CREM: variants seen among roughly 807,000 people sequenced by gnomAD.
CREM encodes the protein cAMP-responsive element modulator.
CREM carries 13 observed loss-of-function variants against 37.3 expected under a neutral mutation model. The ratio of observed to expected loss-of-function variants is 0.35; its 90% CI spans 0.23 to 0.55. The LOEUF (loss-of-function observed/expected upper bound fraction) is 0.55. Among genes scored for constraint, CREM ranks in the 20% least tolerant of loss-of-function variants. The pLI, the probability that CREM is intolerant of heterozygous loss-of-function variation, is 0.88. For synonymous variants in CREM, 124 were observed against 120.2 expected (o/e 1.03, Z -0.21); for missense variants, 296 against 362.3 (o/e 0.82, Z 1.49).
At chr10:35,172,525 C>G (rs1318606620) in intron 3 of CREM, among the ~76,000 whole-genome samples, 1 of 151,314 alleles carries the variant, frequency 6.6e-6, no homozygotes, top group Non-Finnish European at 1.5e-5. Flanking sequence ...GTCAGTGACA[C>G]AAACTGTGTT....
chr10:35,174,394 G>C (rs1038929507), intron 3 of CREM, among the ~76,000 whole-genome samples: 8 of 152,164 alleles, frequency 5.3e-5, no homozygotes, highest in Non-Finnish European at 1.0e-4. Context: ...CTAGTACAAG[G>C]CTCAACACCT....
chr10:35,132,649 A>G (rs1163719138), intron 1 of CREM, among the ~76,000 whole-genome samples: 1 of 152,188 alleles, frequency 6.6e-6, no homozygotes, highest in African/African-American at 2.4e-5. Context: ...TTTGAAAGTT[A>G]CTGTTACTTT....
chr10:35,169,157 G>A (rs1281317882), intron 3 of CREM, among the ~76,000 whole-genome samples: 2 of 152,278 alleles, frequency 1.3e-5, no homozygotes, highest in East Asian at 3.9e-4. Flanking sequence ...AGCCTGATTG[G>A]GATGGCATTG....
intron 3 of CREM, among the ~76,000 whole-genome samples, chr10:35,171,714 C>T (rs944889599): frequency 1.3e-5 from 2 of 152,138 alleles, no homozygotes; most frequent in African/African-American, 4.8e-5. Flanking sequence ...CCCTGGGTTT[C>T]CCCCGCTATA....
intron 3 of CREM, chr10:35,154,211 CATTT>C (rs1174775859): frequency 3.0e-5 from 12 of 395,956 alleles, no homozygotes; most frequent in Non-Finnish European, 5.3e-5. Context: ...ATTGGAATGG[CATTT>C]CTCTGTTTTG....
At chr10:35,203,382 A>C (rs1399285579) in intron 6 of CREM, among the ~76,000 whole-genome samples, 1 of 151,276 alleles carries the variant, frequency 6.6e-6, no homozygotes, top group African/African-American at 2.4e-5. Flanking sequence ...ATTCCCACCC[A>C]CCCTTTTTTT....
chr10:35,188,034 C>T (rs1054492612), intron 5 of CREM, among the ~76,000 whole-genome samples, 166 bp from the exon 6 acceptor site: 3 of 152,202 alleles, frequency 2.0e-5, no homozygotes, highest in African/African-American at 4.8e-5. Context: ...CCTAGAGTAT[C>T]GTCCCATGAC....
At position 35,145,112 on chromosome 10, in the gene CREM, G is replaced by GAT. The variant is rs1165120746; in HGVS notation, c.45-3255_45-3254dup. The stretch of plus-strand genomic sequence containing the variant: ...GGAGGCGGAGGTTGCAGTGAGTCCA[G>GAT]ATCGCGCCACTGCACTCCAGCCTGG... On this transcript the variant is annotated intron_variant, in intron 2 of 7. Transcript: ENST00000685392. Among the ~76,000 whole-genome samples the GAT allele has an allele frequency of 4.8e-5, 7 of 144,562 alleles. No individual in the cohort carries two copies. In the East Asian group the frequency reaches 1.4e-3, roughly 30 times the overall value. 94.8% of individuals were successfully genotyped at this position (144,562 alleles called of 152,430 possible). A position where few individuals can be genotyped will look rare whatever the true frequency, so the allele number is the denominator to read the frequency against.
chr10:35,155,670 C>G (rs1024524608), intron 3 of CREM, among the ~76,000 whole-genome samples: 1 of 150,506 alleles, frequency 6.6e-6, no homozygotes, highest in Non-Finnish European at 1.5e-5. Flanking sequence ...GCTCTGTCAC[C>G]TAGGCTGGAG....
chr10:35,133,308 A>AT (rs34244298), intron 1 of CREM, among the ~76,000 whole-genome samples: 259 of 143,294 alleles, frequency 1.8e-3, no homozygotes, highest in East Asian at 5.9e-3. Flanking sequence ...CCAAAAGCAG[A>AT]TTTTTTTTTT....
At chr10:35,165,532 AGAAT>A (rs957570093) in intron 3 of CREM, among the ~76,000 whole-genome samples, 12 of 152,142 alleles carry the variant, frequency 7.9e-5, no homozygotes, top group African/African-American at 2.9e-4. Flanking sequence ...TTTTTGGCTT[AGAAT>A]CTTACTGCAA....
At chr10:35,141,873 G>GA (rs1039823492) in intron 2 of CREM, among the ~76,000 whole-genome samples, 3 of 152,194 alleles carry the variant, frequency 2.0e-5, no homozygotes, top group African/African-American at 7.2e-5. Context: ...AATTGTCAGC[G>GA]AATCAGATGA....
intron 3 of CREM, among the ~76,000 whole-genome samples, chr10:35,159,118 C>T (rs929312055): frequency 6.6e-6 from 1 of 151,932 alleles, no homozygotes; most frequent in African/African-American, 2.4e-5. Context: ...TTAATCTATT[C>T]CTGCTAATGA....
chr10:35,135,721 G>GAAAAAAAAAAAAAAAAAAA (rs9336981), intron 1 of CREM, among the ~76,000 whole-genome samples: 1 of 50,562 alleles, frequency 2.0e-5, no homozygotes, highest in Non-Finnish European at 3.7e-5. Context: ...CCTATTTCTG[G>GAAAAAAAAAAAAAAAAAAA]AAAAAAAAAA....
At chr10:35,200,225 A>G (rs2095343574) in intron 6 of CREM, among the ~76,000 whole-genome samples, 2 of 152,190 alleles carry the variant, frequency 1.3e-5, no homozygotes, top group African/African-American at 4.8e-5. Context: ...TTACTCTCAT[A>G]GGACAGTAGA....
At chr10:35,172,691 G>A (rs1365162489) in intron 3 of CREM, among the ~76,000 whole-genome samples, 1 of 149,206 alleles carries the variant, frequency 6.7e-6, no homozygotes, top group Non-Finnish European at 1.5e-5. Flanking sequence ...GTCCTGAAGT[G>A]GGACAGCTGC....
intron 7 of CREM, among the ~76,000 whole-genome samples, chr10:35,207,966 A>T (rs893304453): frequency 6.6e-6 from 1 of 152,220 alleles, no homozygotes; most frequent in African/African-American, 2.4e-5. Flanking sequence ...AGTAATTTTT[A>T]AAAATAATGA....
chr10:35,127,024 G>A lies in CREM; in HGVS notation c.-224G>A, dbSNP rs1037102341. ...CTACTTTTGGTCCGGGGTCGGCAGG[G>A]AGGCCGCGGCTACCGCATCACAGCT... On this transcript the variant is annotated 5_prime_UTR_variant, in exon 1 of 8. Transcript: ENST00000685392. 6.5e-6 allele frequency: 1 copy of A among 152,686 alleles called. No individual in the cohort carries two copies. The highest frequency in any genetic ancestry group is 2.4e-5 in the African/African-American group (1 of 41,462). 9.5% of individuals were successfully genotyped at this position (152,686 alleles called of 1,614,324 possible). A position where few individuals can be genotyped will look rare whatever the true frequency, so the allele number is the denominator to read the frequency against.
chr10:35,182,531 A>T (rs1267129004), intron 5 of CREM, among the ~76,000 whole-genome samples: 1 of 152,106 alleles, frequency 6.6e-6, no homozygotes, highest in East Asian at 1.9e-4. Flanking sequence ...ATTTGGAATA[A>T]TGAGTTAGCT....
Sources: gnomAD v4.1 joint callset for allele counts (sites outside exome capture counted in the v4.1 genomes callset) on GRCh38, gnomAD v4.1.1 for gene constraint, MANE v1.5 for transcripts, NCBI Gene and HGNC (gene_info 2026-07-23, HGNC 2026-07-21) for gene names.